The following WWOX variants were observed in gnomAD, a reference collection of about 807,000 sequenced individuals.
WWOX encodes the protein WW domain-containing oxidoreductase.
A neutral mutation model predicts 46.2 loss-of-function variants in WWOX; 69 were observed. The observed-to-expected ratio is 1.49, with a 90% confidence interval of 1.23 to 1.82. The LOEUF (loss-of-function observed/expected upper bound fraction) is 1.82, where lower values mean the gene tolerates loss of function less well. WWOX is among the 40% of genes most tolerant of loss of function. The probability of loss-of-function intolerance (pLI) is 0.00; values close to 1 mark genes in which losing one functional copy is unlikely to be tolerated. For missense variants in WWOX, 919 were observed against 542.6 expected (o/e 1.69, Z -6.89); for synonymous variants, 359 against 202.6 (o/e 1.77, Z -6.56).
At position 78,261,284 on chromosome 16, in the gene WWOX, T is replaced by A. The variant is rs1189946161; in HGVS notation, c.516+96995T>A. ...TAAGGTAGATAGATAGATAGATAGA[T>A]ACATACATACATACATACATACATA... On this transcript the variant is annotated intron_variant, in intron 5 of 8. Transcript: ENST00000566780. 1.3e-5 allele frequency among the ~76,000 whole-genome samples: 2 copies of A among 148,620 alleles called. 1 individual carries two copies. The highest frequency in any genetic ancestry group is 3.0e-5 in the Non-Finnish European group (2 of 67,550).
chr16:78,658,121 C>T (rs2047123012), intron 8 of WWOX, among the ~76,000 whole-genome samples: 1 of 152,124 alleles, frequency 6.6e-6, no homozygotes, highest in Admixed American at 6.5e-5. Flanking sequence ...ATGCCAGTAG[C>T]ATCTTCTATT....
intron 8 of WWOX, among the ~76,000 whole-genome samples, chr16:78,900,655 G>C (rs1262056945): frequency 2.0e-5 from 3 of 152,040 alleles, no homozygotes; most frequent in Admixed American, 6.6e-5. Flanking sequence ...TGGTTGCTTT[G>C]TAAATCTATT....
chr16:78,699,839 C>G (rs1239402282), intron 8 of WWOX, among the ~76,000 whole-genome samples: 1 of 152,222 alleles, frequency 6.6e-6, no homozygotes, highest in East Asian at 1.9e-4. Flanking sequence ...CATGTAATAT[C>G]AGGGTATTTC....
chr16:78,251,054 C>T (rs1475975379), intron 5 of WWOX, among the ~76,000 whole-genome samples: 1 of 152,196 alleles, frequency 6.6e-6, no homozygotes, highest in African/African-American at 2.4e-5. Context: ...CAGGATCATT[C>T]TAAGGGTATG....
chr16:78,920,772 C>T (rs1032214994), intron 8 of WWOX, among the ~76,000 whole-genome samples: 1 of 152,064 alleles, frequency 6.6e-6, no homozygotes, highest in Non-Finnish European at 1.5e-5. Flanking sequence ...CGACTTTTCT[C>T]TTCTTATTAC....
At chr16:78,614,130 A>T (rs139070402) in intron 8 of WWOX, among the ~76,000 whole-genome samples, 1 of 152,230 alleles carries the variant, frequency 6.6e-6, no homozygotes, top group Non-Finnish European at 1.5e-5. Flanking sequence ...AATATCTCAC[A>T]TCAGAATGAA....
At chr16:78,638,310 A>G (rs1179903008) in intron 8 of WWOX, among the ~76,000 whole-genome samples, 1 of 152,106 alleles carries the variant, frequency 6.6e-6, no homozygotes, top group East Asian at 1.9e-4. Flanking sequence ...ACATAGGCCC[A>G]GGAGTCTGTG....
Position 78,305,788 on chromosome 16 carries a change from G to A in WWOX, c.517-81072G>A, listed in dbSNP as rs144880470. Among the ~76,000 whole-genome samples the A allele has an allele frequency of 3.6e-4, 55 of 152,134 alleles. 1 individual carries two copies. In the East Asian group the frequency reaches 9.7e-3, roughly 27 times the overall value. ...AGTTAGTTTGAAATGAGAAATTGCCGGTGACCTGAAACCCATCATTATTAA... is the reference window on the plus strand; with the variant it reads ...AGTTAGTTTGAAATGAGAAATTGCCAGTGACCTGAAACCCATCATTATTAA... On this transcript the variant is annotated intron_variant, in intron 5 of 8. Transcript: ENST00000566780.
chr16:79,200,599 C>T (rs1235283779), intron 8 of WWOX, among the ~76,000 whole-genome samples: 1 of 152,124 alleles, frequency 6.6e-6, no homozygotes, highest in African/African-American at 2.4e-5. Flanking sequence ...ACCTAAGAGA[C>T]TCTCAGTAAC....
chr16:78,298,815 T>C (rs2079988895), intron 5 of WWOX, among the ~76,000 whole-genome samples: 1 of 151,152 alleles, frequency 6.6e-6, no homozygotes, highest in Non-Finnish European at 1.5e-5. Flanking sequence ...AAAAATTATG[T>C]CCTTCTAGAT....
chr16:78,827,896 A>G (rs940549732), intron 8 of WWOX, among the ~76,000 whole-genome samples: 1 of 152,156 alleles, frequency 6.6e-6, no homozygotes, highest in Non-Finnish European at 1.5e-5. Flanking sequence ...TTATCTCAGG[A>G]TGGGAACCAG....
At chr16:78,527,946 T>C (rs1489752770) in intron 8 of WWOX, among the ~76,000 whole-genome samples, 1 of 149,420 alleles carries the variant, frequency 6.7e-6, no homozygotes, top group Non-Finnish European at 1.5e-5. Flanking sequence ...TCTGTGCCAT[T>C]GTGCAAAGAT....
At chr16:78,866,675 C>G (rs2044010881) in intron 8 of WWOX, among the ~76,000 whole-genome samples, 1 of 152,182 alleles carries the variant, frequency 6.6e-6, no homozygotes, top group Admixed American at 6.6e-5. Context: ...TGCAACGTAG[C>G]CTGATTGTTC....
chr16:78,928,915 A>G (rs1284537239), intron 8 of WWOX, among the ~76,000 whole-genome samples: 2 of 152,202 alleles, frequency 1.3e-5, no homozygotes, highest in African/African-American at 4.8e-5. Flanking sequence ...CCCTAACAAT[A>G]ACAACAACCA....
At chr16:78,316,160 G>A (rs758007145) in intron 5 of WWOX, among the ~76,000 whole-genome samples, 15 of 151,924 alleles carry the variant, frequency 9.9e-5, no homozygotes, top group African/African-American at 7.3e-5. Flanking sequence ...CAGGAGAATC[G>A]CCTTGAACCT....
intron 8 of WWOX, among the ~76,000 whole-genome samples, chr16:78,887,209 A>G (rs556431036): frequency 3.3e-5 from 5 of 151,540 alleles, no homozygotes; most frequent in East Asian, 1.9e-4. Flanking sequence ...TATGTCAAAA[A>G]AGAGTCTCAA....
intron 8 of WWOX, among the ~76,000 whole-genome samples, chr16:78,452,223 A>C (rs1008388161): frequency 5.9e-5 from 9 of 152,228 alleles, no homozygotes; most frequent in Admixed American, 5.2e-4. Flanking sequence ...GTCCGCACTC[A>C]TAAAAAGAGA....
chr16:78,736,403 T>G (rs1315577233), intron 8 of WWOX, among the ~76,000 whole-genome samples: 1 of 152,140 alleles, frequency 6.6e-6, no homozygotes, highest in African/African-American at 2.4e-5. Context: ...CAGCAGCTGC[T>G]AAAAGGGGAT....
chr16:79,159,059 A>T (rs1453008340), intron 8 of WWOX, among the ~76,000 whole-genome samples: 10 of 152,350 alleles, frequency 6.6e-5, no homozygotes, highest in African/African-American at 2.4e-4. Context: ...GAAATAGTGC[A>T]TGGATTCCAG....
Sources: allele counts gnomAD v4.1 joint callset (sites outside exome capture counted in the v4.1 genomes callset), GRCh38; gene constraint gnomAD v4.1.1; transcripts MANE v1.5; gene names NCBI Gene and HGNC (gene_info 2026-07-23, HGNC 2026-07-21).